The following PTPRT variants were observed in gnomAD, a reference collection of about 807,000 sequenced individuals.
PTPRT encodes the protein receptor-type tyrosine-protein phosphatase T.
A neutral mutation model predicts 176.8 loss-of-function variants in PTPRT; 56 were observed. The ratio of observed to expected loss-of-function variants is 0.32; its 90% CI spans 0.26 to 0.40. The LOEUF is 0.40. Ranked by LOEUF, PTPRT falls within the 10% of genes least tolerant of loss-of-function variation. PTPRT has a pLI of 1.00. For missense variants in PTPRT, 1,540 were observed against 1,908.2 expected (o/e 0.81, Z 3.60); for synonymous variants, 783 against 739.0 (o/e 1.06, Z -0.96).
chr20:43,162,529 C>T (rs1486738217), intron 1 of PTPRT, among the ~76,000 whole-genome samples: 6 of 152,200 alleles, frequency 3.9e-5, no homozygotes, highest in African/African-American at 9.6e-5. Flanking sequence ...AAAGGCTACT[C>T]CGTGCGGTCC....
At chr20:42,546,992 T>C (rs577941570) in intron 7 of PTPRT, among the ~76,000 whole-genome samples, 2 of 152,238 alleles carry the variant, frequency 1.3e-5, no homozygotes, top group South Asian at 4.1e-4. Flanking sequence ...CACAGAGACA[T>C]AAAGTTAGCA....
At chr20:42,359,215 G>A (rs1198504041) in intron 9 of PTPRT, among the ~76,000 whole-genome samples, 1 of 152,168 alleles carries the variant, frequency 6.6e-6, no homozygotes, top group Non-Finnish European at 1.5e-5. Flanking sequence ...CTCAGGCAAG[G>A]GGATGGAGGA....
intron 6 of PTPRT, chr20:42,687,076 C>T (rs1018533907): frequency 1.3e-5 from 2 of 152,166 alleles, no homozygotes; most frequent in Non-Finnish European, 2.9e-5. Flanking sequence ...ACAGTTCCTA[C>T]ACGTAACAAG....
At chr20:42,886,349 A>T (rs1175202887) in intron 1 of PTPRT, among the ~76,000 whole-genome samples, 1 of 152,160 alleles carries the variant, frequency 6.6e-6, no homozygotes, top group Admixed American at 6.5e-5. Context: ...CATCACCTTC[A>T]CAAGGCTGTG....
At chr20:42,762,171 T>C (rs2076924125) in intron 5 of PTPRT, among the ~76,000 whole-genome samples, 1 of 152,186 alleles carries the variant, frequency 6.6e-6, no homozygotes, top group Non-Finnish European at 1.5e-5. Flanking sequence ...TCAGATTCTT[T>C]TAATATATTA....
At chr20:43,031,011 G>A (rs1986117884) in intron 1 of PTPRT, among the ~76,000 whole-genome samples, 1 of 152,184 alleles carries the variant, frequency 6.6e-6, no homozygotes, top group African/African-American at 2.4e-5. Context: ...AAGTCCAGCT[G>A]TGATGCAGTT....
chr20:42,785,963 C>G (rs937819344), intron 3 of PTPRT, among the ~76,000 whole-genome samples: 1 of 152,138 alleles, frequency 6.6e-6, no homozygotes, highest in Non-Finnish European at 1.5e-5. Context: ...TGTTGAGAGA[C>G]GAACGTGGTG....
At chr20:42,214,121 T>C (rs756977275) in intron 15 of PTPRT, among the ~76,000 whole-genome samples, 7 of 152,236 alleles carry the variant, frequency 4.6e-5, no homozygotes, top group Admixed American at 3.9e-4. Flanking sequence ...AAGTAACCCA[T>C]GGAAAGCCAC....
intron 11 of PTPRT, among the ~76,000 whole-genome samples, chr20:42,323,128 G>A (rs2057826161): frequency 6.6e-6 from 1 of 152,174 alleles, no homozygotes; most frequent in South Asian, 2.1e-4. Context: ...TGGAGAGGAT[G>A]TGGAGAAATA....
At chr20:43,136,813 T>G (rs1284028872) in intron 1 of PTPRT, among the ~76,000 whole-genome samples, 1 of 152,210 alleles carries the variant, frequency 6.6e-6, no homozygotes, top group African/African-American at 2.4e-5. Flanking sequence ...ATATGTAAAG[T>G]CTGTGTCTAT....
intron 6 of PTPRT, among the ~76,000 whole-genome samples, chr20:42,752,868 C>A (rs950357465): frequency 6.6e-6 from 1 of 152,158 alleles, no homozygotes; most frequent in African/African-American, 2.4e-5. Context: ...CCTGGGCACC[C>A]ACTCCAGGGT....
chr20:42,297,423 T>A (rs979384202), intron 12 of PTPRT, among the ~76,000 whole-genome samples: 8 of 152,172 alleles, frequency 5.3e-5, no homozygotes, highest in African/African-American at 1.7e-4. Context: ...ATCCCTTATC[T>A]CAGGTAAGAT....
At chr20:43,124,197 C>T (rs1156330423) in intron 1 of PTPRT, among the ~76,000 whole-genome samples, 1 of 152,206 alleles carries the variant, frequency 6.6e-6, no homozygotes, top group African/African-American at 2.4e-5. Flanking sequence ...ACCATTATTA[C>T]ATCCAAATTA....
intron 1 of PTPRT, among the ~76,000 whole-genome samples, chr20:43,153,768 G>A (rs982239384): frequency 2.0e-5 from 3 of 152,168 alleles, no homozygotes; most frequent in African/African-American, 2.4e-5. Context: ...TAGCGCAATC[G>A]GTCAATGTAA....
intron 2 of PTPRT, among the ~76,000 whole-genome samples, chr20:42,851,974 T>G (rs560499526): frequency 6.6e-6 from 1 of 152,356 alleles, no homozygotes; most frequent in South Asian, 2.1e-4. Context: ...ACATAGTAAG[T>G]ATTTACATAG....
At chr20:42,267,313 C>T (rs542068679) in intron 13 of PTPRT, among the ~76,000 whole-genome samples, 38 of 152,234 alleles carry the variant, frequency 2.5e-4, no homozygotes, top group African/African-American at 7.7e-4. Flanking sequence ...TATGATGTTC[C>T]GTAGGTTAAT....
At chr20:42,934,657 C>T (rs1377458113) in intron 1 of PTPRT, among the ~76,000 whole-genome samples, 1 of 152,190 alleles carries the variant, frequency 6.6e-6, no homozygotes, top group Admixed American at 6.5e-5. Flanking sequence ...CAGAGGCATC[C>T]TTCAGTCCCT....
intron 1 of PTPRT, among the ~76,000 whole-genome samples, chr20:43,031,597 GA>G (rs1426718785): frequency 6.6e-6 from 1 of 152,164 alleles, no homozygotes; most frequent in African/African-American, 2.4e-5. Context: ...CAAGAACATG[GA>G]GGTTCAGTGA....
chr20:43,180,920 C>A (rs1311638828), intron 1 of PTPRT, among the ~76,000 whole-genome samples: 1 of 152,120 alleles, frequency 6.6e-6, no homozygotes, highest in African/African-American at 2.4e-5. Context: ...TAGTGACTTG[C>A]TTCTGACAGA....
Sources: gnomAD v4.1 joint callset for allele counts (sites outside exome capture counted in the v4.1 genomes callset) on GRCh38, gnomAD v4.1.1 for gene constraint, MANE v1.5 for transcripts, NCBI Gene and HGNC (gene_info 2026-07-23, HGNC 2026-07-21) for gene names.